The following NEBL variants were observed in gnomAD, a reference collection of about 807,000 sequenced individuals.
The protein encoded by NEBL is LIM and SH3 protein 2.
Under a neutral mutation model 140.2 loss-of-function variants are expected in NEBL, and 122 were observed. The observed-to-expected ratio is 0.87, with a 90% CI of 0.75 to 1.01. The LOEUF is 1.01. Among genes scored for constraint, NEBL ranks in the 50% least tolerant of loss-of-function variants. The pLI is 0.00. For missense variants in NEBL, 1,365 were observed against 1,231.3 expected (o/e 1.11, Z -1.62); for synonymous variants, 436 against 398.9 (o/e 1.09, Z -1.11).
intron 2 of NEBL, among the ~76,000 whole-genome samples, chr10:21,106,984 G>C (rs1041366747): frequency 6.6e-6 from 1 of 151,792 alleles, no homozygotes; most frequent in African/African-American, 2.4e-5. Context: ...TTGGCTCTCT[G>C]TCTGTTATTG....
At chr10:20,819,357 A>G in intron 20 of NEBL, 67 bp downstream of exon 20, 3 of 1,608,534 alleles carry the variant, frequency 1.9e-6, no homozygotes, top group Non-Finnish European at 2.5e-6. Context: ...GGCCTTCCAA[A>G]GGGCATATTT....
chr10:21,117,239 G>C, intron 2 of NEBL, among the ~76,000 whole-genome samples: 1 of 151,118 alleles, frequency 6.6e-6, no homozygotes. Context: ...CTGGGTGATA[G>C]GGGAAAAAAA....
intron 4 of NEBL, among the ~76,000 whole-genome samples, chr10:20,951,574 CT>C (rs1244620069): frequency 6.6e-6 from 1 of 152,036 alleles, no homozygotes; most frequent in Admixed American, 6.6e-5. Context: ...TGAATTAAAT[CT>C]CTATACAATG....
chr10:21,220,209 G>A (rs1024923425), intron 3 of NEBL, among the ~76,000 whole-genome samples: 8 of 152,048 alleles, frequency 5.3e-5, no homozygotes, highest in Non-Finnish European at 7.4e-5. Context: ...CACCATGCCC[G>A]GCGTGATTTT....
At chr10:21,028,235 C>CAAAAAACAAA in intron 2 of NEBL, among the ~76,000 whole-genome samples, 1 of 66,216 alleles carries the variant, frequency 1.5e-5, no homozygotes, top group Non-Finnish European at 2.5e-5. Flanking sequence ...TCAAACATCT[C>CAAAAAACAAA]AAAAAAAAAA....
At chr10:21,068,026 G>A (rs973490468) in intron 2 of NEBL, among the ~76,000 whole-genome samples, 1 of 152,078 alleles carries the variant, frequency 6.6e-6, no homozygotes, top group Non-Finnish European at 1.5e-5. Context: ...AATACAACAT[G>A]CCTAGAGGAA....
intron 3 of NEBL, among the ~76,000 whole-genome samples, chr10:21,009,536 A>G (rs1838256788): frequency 6.6e-6 from 1 of 152,212 alleles, no homozygotes; most frequent in African/African-American, 2.4e-5. Flanking sequence ...AAATCAAGAG[A>G]GAGGGAAGGA....
At chr10:21,031,582 T>A (rs149103332) in intron 2 of NEBL, among the ~76,000 whole-genome samples, 1 of 152,308 alleles carries the variant, frequency 6.6e-6, no homozygotes, top group East Asian at 1.9e-4. Flanking sequence ...ACAGATTTGT[T>A]TAAGGAAGAC....
At chr10:21,024,193 A>G (rs1287567733) in intron 2 of NEBL, among the ~76,000 whole-genome samples, 1 of 152,106 alleles carries the variant, frequency 6.6e-6, no homozygotes, top group South Asian at 2.1e-4. Context: ...GACTAGAAAC[A>G]TATAACAATG....
intron 18 of NEBL, among the ~76,000 whole-genome samples, chr10:20,825,670 A>AG: frequency 6.6e-6 from 1 of 152,218 alleles, no homozygotes; most frequent in Middle Eastern, 3.4e-3. Context: ...TCTCAAAAAA[A>AG]AAAAAGAAAC....
At chr10:21,082,935 G>T (rs983293779) in intron 2 of NEBL, among the ~76,000 whole-genome samples, 4 of 151,958 alleles carry the variant, frequency 2.6e-5, no homozygotes, top group East Asian at 1.9e-4. Context: ...GCTAATTTTT[G>T]AATTTTTTTA....
Position 21,029,571 on chromosome 10 carries a change from T to C in NEBL, c.165-9370A>G, listed in dbSNP as rs550312124. ...CTTTTGGCCGTGATAGAAATCGGGA[T>C]TCTGACAAAACAGATACAGACTGGA... On this transcript the variant is annotated intron_variant, in intron 2 of 6. Transcript: ENST00000417816. The C allele has an allele frequency of 7.5e-6, 12 of 1,597,846 alleles. No homozygotes were observed. In the Admixed American group the frequency reaches 1.8e-4, roughly 24 times the overall value.
chr10:20,982,376 G>GTAGAACA (rs1016140679), intron 3 of NEBL, among the ~76,000 whole-genome samples: 35 of 109,442 alleles, frequency 3.2e-4, no homozygotes, highest in African/African-American at 2.1e-3. Flanking sequence ...TTTTTTATTT[G>GTAGAACA]TTGAACTTGA....
rs1367114613 is a variant in NEBL, at chr10:20,826,506, C to T, written c.1810G>A (p.Ala604Thr). 6.2e-7 allele frequency: 1 copy of T among 1,612,626 alleles called. No homozygotes were observed. Among genetic ancestry groups the T allele is most frequent in the Non-Finnish European group, 8.5e-7 (1 of 1,179,134 alleles). The change falls in exon 18 of 28, where the codon GCA becomes ACA. Residue 604 changes from alanine (A) to threonine (T), a missense_variant. Around this residue, in one of 2 missense-constraint regions of NEBL, gnomAD observed 1,323 missense variants for 1,154.8 expected, o/e 1.15. Transcript: ENST00000377122. ...FYKKEVGAGTAVKDSPEIERV... is the reference protein window; with the variant it reads ...FYKKEVGAGTTVKDSPEIERV... ...TCGATCTCTGGGCTATCTTTCACTG[C>T]AGTGCCAGCTCCCACTTCTTTCTTA...
At chr10:20,872,039 CT>C (rs1844993855) in intron 5 of NEBL, among the ~76,000 whole-genome samples, 2 of 152,092 alleles carry the variant, frequency 1.3e-5, no homozygotes, top group Non-Finnish European at 2.9e-5. Context: ...GGGGAAATGT[CT>C]TTTTGTTTAG....
chr10:20,828,949 T>C (rs886826734), intron 16 of NEBL, among the ~76,000 whole-genome samples: 1 of 152,200 alleles, frequency 6.6e-6, no homozygotes, highest in Non-Finnish European at 1.5e-5. Context: ...CTCCACTAAA[T>C]GAGCTACTAT....
rs570079842 is a variant in NEBL, at chr10:20,793,272, G to A, written c.2762-5964C>T. 3.5e-4 allele frequency: 284 copies of A among 822,042 alleles called. 1 individual carries two copies. In the Middle Eastern group the frequency reaches 9.2e-3, roughly 27 times the overall value. The allele number at this position is 822,042 out of a possible 1,614,324, so 50.9% of individuals were successfully genotyped here. ...AGTTTTAAAGACATGCCTAATCATC[G>A]TGATACAAAATAATTAAGCTCAAGC... On this transcript the variant is annotated intron_variant, in intron 26 of 27. Coordinates refer to ENST00000377122, the MANE Select transcript of NEBL (RefSeq NM_006393.3).
At chr10:20,980,971 A>G (rs1242931876) in intron 3 of NEBL, among the ~76,000 whole-genome samples, 3 of 152,126 alleles carry the variant, frequency 2.0e-5, no homozygotes, top group African/African-American at 7.2e-5. Flanking sequence ...TTTTTAATCA[A>G]TAGAGATGGG....
chr10:21,243,888 G>C (rs1196141682), intron 3 of NEBL, among the ~76,000 whole-genome samples: 1 of 148,966 alleles, frequency 6.7e-6, no homozygotes, highest in East Asian at 2.0e-4. Flanking sequence ...AAAAGAAAGA[G>C]AGAGAGAGAG....
Sources: allele counts gnomAD v4.1 joint callset (sites outside exome capture counted in the v4.1 genomes callset), GRCh38; gene constraint gnomAD v4.1.1; regional missense constraint gnomAD v4.1.1; transcripts MANE v1.5; gene names NCBI Gene and HGNC (gene_info 2026-07-23, HGNC 2026-07-21).